PTPRT: variants seen among roughly 807,000 people sequenced by gnomAD.
The protein encoded by PTPRT is protein tyrosine phosphatase receptor type T.
In PTPRT, 56 loss-of-function variants were observed where a neutral mutation model predicts 176.8. That is an observed-to-expected ratio of 0.32 (90% confidence interval 0.26 to 0.40). The LOEUF is 0.40. PTPRT is among the 10% of genes least tolerant of loss of function. PTPRT has a pLI of 1.00. For synonymous variants in PTPRT, 783 were observed against 739.0 expected (o/e 1.06, Z -0.96); for missense variants, 1,540 against 1,908.2 (o/e 0.81, Z 3.60).
At chr20:43,114,375 CAATA>C (rs1240279681) in intron 1 of PTPRT, among the ~76,000 whole-genome samples, 8 of 152,102 alleles carry the variant, frequency 5.3e-5, no homozygotes, top group Non-Finnish European at 1.2e-4. Context: ...TTGGGCAAGT[CAATA>C]ACCTTTTTGT....
chr20:42,284,800 A>C (rs2057201537), intron 12 of PTPRT, among the ~76,000 whole-genome samples: 1 of 151,916 alleles, frequency 6.6e-6, no homozygotes, highest in South Asian at 2.1e-4. Flanking sequence ...TCTTTAAAAC[A>C]AACAATTATT....
chr20:42,663,491 T>C (rs2075262113), intron 7 of PTPRT, among the ~76,000 whole-genome samples: 1 of 152,116 alleles, frequency 6.6e-6, no homozygotes, highest in African/African-American at 2.4e-5. Context: ...AGGGCCCAGG[T>C]CCACATTTGG....
chr20:42,858,338 G>T (rs1177866184), intron 2 of PTPRT, among the ~76,000 whole-genome samples: 1 of 152,206 alleles, frequency 6.6e-6, no homozygotes, highest in Non-Finnish European at 1.5e-5. Context: ...ATTACCAAGA[G>T]GAGACAAGGG....
intron 19 of PTPRT, among the ~76,000 whole-genome samples, chr20:42,121,908 TC>T (rs1987611249): frequency 6.6e-6 from 1 of 151,966 alleles, no homozygotes. Flanking sequence ...AGCAAAAAAC[TC>T]CCAGAAACAG....
intron 17 of PTPRT, among the ~76,000 whole-genome samples, chr20:42,144,943 A>G (rs568049402): frequency 1.3e-3 from 205 of 152,308 alleles, no homozygotes; most frequent in Non-Finnish European, 1.5e-3. Context: ...CAGGTTCTTA[A>G]CAGGCCAGTG....
intron 13 of PTPRT, among the ~76,000 whole-genome samples, chr20:42,276,545 A>ATATT (rs2057039764): frequency 7.9e-5 from 5 of 63,382 alleles, no homozygotes; most frequent in African/African-American, 2.0e-4. Flanking sequence ...ATATATATAT[A>ATATT]TATATATATA....
chr20:42,766,609 C>T (rs2076986148), intron 5 of PTPRT, among the ~76,000 whole-genome samples: 1 of 152,112 alleles, frequency 6.6e-6, no homozygotes, highest in African/African-American at 2.4e-5. Context: ...GATCCAAAAC[C>T]ACTTAAGGAA....
In PTPRT at chr20:42,154,162, T is replaced by G. The variant is rs553557335; in HGVS notation, c.2682+7190A>C. Among the ~76,000 whole-genome samples the G allele has an allele frequency of 3.9e-5, 6 of 152,316 alleles. No homozygotes were observed. The South Asian group carries it at 1.2e-3, about 32-fold the overall frequency. On this transcript the variant is annotated intron_variant, in intron 17 of 30. Coordinates refer to ENST00000373187, the MANE Select transcript of PTPRT (RefSeq NM_007050.6). Reference sequence around the variant, plus strand: ...GCCAGTAATTCCTCATGCCCCTCCCTAGAACCATGCTCATCTGCAAATTGA... The same window carrying G: ...GCCAGTAATTCCTCATGCCCCTCCCGAGAACCATGCTCATCTGCAAATTGA...
At chr20:42,309,493 G>A (rs1336970476) in intron 12 of PTPRT, among the ~76,000 whole-genome samples, 2 of 152,094 alleles carry the variant, frequency 1.3e-5, no homozygotes, top group African/African-American at 4.8e-5. Flanking sequence ...GGAGAAAAAA[G>A]GTCCTTTAGG....
intron 6 of PTPRT, among the ~76,000 whole-genome samples, chr20:42,755,959 G>C (rs1307701275): frequency 6.6e-6 from 1 of 152,190 alleles, no homozygotes; most frequent in Non-Finnish European, 1.5e-5. Context: ...CATGTAAACA[G>C]TATCTCAAGG....
intron 2 of PTPRT, among the ~76,000 whole-genome samples, chr20:42,832,801 TAAAAAAAAAA>T (rs778457370): frequency 9.3e-6 from 1 of 107,338 alleles, no homozygotes; most frequent in African/African-American, 3.6e-5. Flanking sequence ...TAGGATTTGT[TAAAAAAAAAA>T]AAAAAAAAAA....
intron 21 of PTPRT, among the ~76,000 whole-genome samples, chr20:42,117,847 T>C (rs2146321788): frequency 6.6e-6 from 1 of 152,304 alleles, no homozygotes; most frequent in South Asian, 2.1e-4. Flanking sequence ...ACTGGGCATG[T>C]TTGTATGCTA....
At chr20:42,176,599 A>G (rs767725902) in intron 16 of PTPRT, among the ~76,000 whole-genome samples, 6 of 152,222 alleles carry the variant, frequency 3.9e-5, no homozygotes, top group Non-Finnish European at 5.9e-5. Context: ...TGTGTGATAG[A>G]AGGAAAAGAC....
At position 43,174,778 on chromosome 20, in the gene PTPRT, C is replaced by A. The variant is rs146620414; in HGVS notation, c.88+14868G>T. On this transcript the variant is annotated intron_variant, in intron 1 of 30. Transcript: ENST00000373187. ...AAACAGGTTGCTTTATCTCCTGGAC[C>A]TGGGGATTTCAAAACTTATTCCTTT... Among the ~76,000 whole-genome samples the A allele has an allele frequency of 3.3e-5, 5 of 152,314 alleles. No homozygotes were observed. In the East Asian group the frequency reaches 9.6e-4, roughly 29 times the overall value.
rs530629944 is a variant in PTPRT at position 42,203,941 on chromosome 20, G to A, written c.2343-4553C>T. Among the ~76,000 whole-genome samples, 5 of 152,312 alleles carry A rather than the reference G, an allele frequency of 3.3e-5. No homozygotes were observed. In the South Asian group the frequency reaches 1.0e-3, roughly 32 times the overall value. ...ACTACGACAAGAACTTCTTGGGAAAGGGCTTTTGACTCTTTGCACCTACTC... is the reference window on the plus strand; with the variant it reads ...ACTACGACAAGAACTTCTTGGGAAAAGGCTTTTGACTCTTTGCACCTACTC... On this transcript the variant is annotated intron_variant, in intron 15 of 30. Coordinates refer to ENST00000373187, the MANE Select transcript of PTPRT (RefSeq NM_007050.6).
intron 11 of PTPRT, among the ~76,000 whole-genome samples, chr20:42,320,980 A>G (rs773247253): frequency 6.6e-6 from 1 of 152,178 alleles, no homozygotes; most frequent in Non-Finnish European, 1.5e-5. Flanking sequence ...CACACAGCAG[A>G]AAAGGGGAGG....
chr20:42,277,407 G>A (rs530012531), intron 13 of PTPRT, among the ~76,000 whole-genome samples: 3 of 152,318 alleles, frequency 2.0e-5, no homozygotes, highest in South Asian at 2.1e-4. Flanking sequence ...TTCCCTTGAC[G>A]GCTGGCGCTG....
intron 1 of PTPRT, among the ~76,000 whole-genome samples, chr20:43,038,333 G>T (rs1374470529): frequency 6.6e-6 from 1 of 152,100 alleles, no homozygotes; most frequent in Non-Finnish European, 1.5e-5. Context: ...GACAATTAAA[G>T]TTAATTACAA....
At chr20:42,989,613 T>C (rs1257691454) in intron 1 of PTPRT, among the ~76,000 whole-genome samples, 2 of 152,176 alleles carry the variant, frequency 1.3e-5, no homozygotes, top group Non-Finnish European at 2.9e-5. Context: ...CTCCCACAAA[T>C]CAACTCAGGT....
Sources: gnomAD v4.1 joint callset for allele counts (sites outside exome capture counted in the v4.1 genomes callset) on GRCh38, gnomAD v4.1.1 for gene constraint, MANE v1.5 for transcripts, NCBI Gene and HGNC (gene_info 2026-07-23, HGNC 2026-07-21) for gene names.